MPPED2: variants seen among roughly 807,000 people sequenced by gnomAD.
The protein encoded by MPPED2 is metallophosphoesterase MPPED2.
A neutral mutation model predicts 33.0 loss-of-function variants in MPPED2; 5 were observed. The observed-to-expected ratio is 0.15, with a 90% CI of 0.08 to 0.32. The LOEUF is 0.32. Ranked by LOEUF, MPPED2 falls within the 10% of genes least tolerant of loss-of-function variation. MPPED2 has a pLI of 1.00. For missense variants in MPPED2, 275 were observed against 372.1 expected (o/e 0.74, Z 2.15); for synonymous variants, 136 against 141.9 (o/e 0.96, Z 0.29).
intron 2 of MPPED2, among the ~76,000 whole-genome samples, chr11:30,546,113 C>T (rs1034545636): frequency 6.6e-6 from 1 of 152,296 alleles, no homozygotes. Context: ...AGTCACCGTG[C>T]CCGGCCACAA....
intron 4 of MPPED2, among the ~76,000 whole-genome samples, chr11:30,447,416 G>C (rs1160834720): frequency 6.6e-6 from 1 of 152,234 alleles, no homozygotes; most frequent in African/African-American, 2.4e-5. Flanking sequence ...ATGAGGAGGA[G>C]CATGTTAATA....
At position 30,536,132 on chromosome 11, in the gene MPPED2, T is replaced by C; in HGVS notation, c.172A>G (p.Thr58Ala). The change falls in exon 3 of 7, where the codon ACG becomes GCG. Residue 58 changes from threonine to alanine, a missense_variant. Physicochemically the swap from Thr to Ala is moderately conservative, Grantham distance 58. Coordinates refer to ENST00000358117, the MANE Select transcript of MPPED2 (RefSeq NM_001584.3). ...PYDTPKPAGHTRFVCISDTHS... is the reference protein window; with the variant it reads ...PYDTPKPAGHARFVCISDTHS... ...GTGTCTGAGATGCAGACAAACCGCG[T>C]GTGGCCCGCTGGTTTTGGAGTGTCA... is the stretch of plus-strand genomic sequence containing the variant. The C allele has an allele frequency of 1.2e-6, 2 of 1,612,258 alleles. No homozygotes were observed. Among genetic ancestry groups the C allele is most frequent in the East Asian group, 2.2e-5 (1 of 44,836 alleles).
chr11:30,546,234 C>T (rs944449054), intron 2 of MPPED2, among the ~76,000 whole-genome samples: 1 of 152,140 alleles, frequency 6.6e-6, no homozygotes, highest in African/African-American at 2.4e-5. Context: ...ATCATTACAA[C>T]ATCATGAACA....
intron 1 of MPPED2, among the ~76,000 whole-genome samples, chr11:30,585,797 G>A (rs1185814437): frequency 6.6e-6 from 1 of 152,172 alleles, no homozygotes; most frequent in African/African-American, 2.4e-5. Context: ...CTCAGGGGTT[G>A]AAAATCAGCC....
intron 4 of MPPED2, among the ~76,000 whole-genome samples, chr11:30,454,482 A>G (rs1950195652): frequency 6.6e-6 from 1 of 152,164 alleles, no homozygotes; most frequent in Non-Finnish European, 1.5e-5. Context: ...AGGAAAAAAA[A>G]TTATAAATTT....
exon 7 of MPPED2, chr11:30,386,187 G>C (rs901660191): frequency 1.3e-5 from 2 of 152,400 alleles, no homozygotes; most frequent in Non-Finnish European, 2.9e-5. Flanking sequence ...ATATGAGCAG[G>C]CTGTGGAGCA....
chr11:30,525,413 TTTTG>T lies in MPPED2; in HGVS notation c.310+10577_310+10580del, dbSNP rs199868285. 7.7e-3 allele frequency among the ~76,000 whole-genome samples: 1,175 copies of T among 152,320 alleles called. 16 individuals carry two copies. The highest frequency in any genetic ancestry group is 0.027 in the African/African-American group (1,131 of 41,568). ...TTGTTTTCAAAGAGCCGCTTTTTTA[TTTTG>T]TTTAACAGTGATACAATTTTCATAC... is the stretch of plus-strand genomic sequence containing the variant. On this transcript the variant is annotated intron_variant, in intron 3 of 6. Transcript: ENST00000358117.
chr11:30,458,527 T>C (rs78304923), intron 4 of MPPED2, among the ~76,000 whole-genome samples: 4,116 of 152,306 alleles, frequency 0.027, 94 homozygotes, highest in Admixed American at 0.064. Flanking sequence ...CTGAATTAAC[T>C]GGATTTTAAT....
At position 30,399,468 on chromosome 11, in the gene MPPED2, C is replaced by CAAT. The variant is rs533947614; in HGVS notation, c.767-10515_767-10513dup. Among the ~76,000 whole-genome samples, 21 of 152,260 alleles carry CAAT rather than the reference C, an allele frequency of 1.4e-4. No individual in the cohort carries two copies. The South Asian group carries it at 4.4e-3, about 32-fold the overall frequency. ...CTAATCCTTTAAATTGGTATTTTATCAATACTCTGTCCTCTGGAATGTTGG... is the reference window on the plus strand; with the variant it reads ...CTAATCCTTTAAATTGGTATTTTATCAATAATACTCTGTCCTCTGGAATGTTGG... On this transcript the variant is annotated intron_variant, in intron 6 of 6. Transcript: ENST00000448418.
intron 2 of MPPED2, among the ~76,000 whole-genome samples, chr11:30,550,290 C>T (rs1186384702): frequency 6.6e-6 from 1 of 152,120 alleles, no homozygotes; most frequent in Non-Finnish European, 1.5e-5. Context: ...TCTTTCCCAC[C>T]CCTGCTGTAG....
chr11:30,393,595 TTGTTA>T (rs142407062), intron 6 of MPPED2, among the ~76,000 whole-genome samples: 15,575 of 152,134 alleles, frequency 0.1, 809 homozygotes, highest in Middle Eastern at 0.17. Flanking sequence ...CCAGGAGTTT[TTGTTA>T]TGTTTAGAAC....
intron 4 of MPPED2, among the ~76,000 whole-genome samples, chr11:30,446,292 T>C (rs947650362): frequency 6.6e-6 from 1 of 152,208 alleles, no homozygotes; most frequent in African/African-American, 2.4e-5. Flanking sequence ...ATCATTCAGC[T>C]CAGCCTGCCT....
chr11:30,527,792 T>C (rs1954280603), intron 3 of MPPED2, among the ~76,000 whole-genome samples: 1 of 152,014 alleles, frequency 6.6e-6, no homozygotes, highest in Admixed American at 6.6e-5. Flanking sequence ...CTCCAAGTTC[T>C]CCCCTCCCCC....
At chr11:30,540,639 CT>C (rs1205846201) in intron 2 of MPPED2, among the ~76,000 whole-genome samples, 1 of 152,098 alleles carries the variant, frequency 6.6e-6, no homozygotes, top group Non-Finnish European at 1.5e-5. Context: ...CTACCACTCA[CT>C]CAGGGACTTT....
At chr11:30,407,651 C>G (rs554787446), downstream of MPPED2, among the ~76,000 whole-genome samples, 3 of 152,314 alleles carry the variant, frequency 2.0e-5, no homozygotes, top group East Asian at 5.8e-4. Flanking sequence ...GCAGGCGGGT[C>G]ACCTGAGCTC....
At chr11:30,430,840 C>T (rs1425463466) in intron 4 of MPPED2, among the ~76,000 whole-genome samples, 1 of 152,198 alleles carries the variant, frequency 6.6e-6, no homozygotes, top group East Asian at 1.9e-4. Context: ...AAAACCAGCC[C>T]ACAGCATACA....
At chr11:30,554,221 T>C (rs556794419) in intron 2 of MPPED2, among the ~76,000 whole-genome samples, 9 of 152,260 alleles carry the variant, frequency 5.9e-5, no homozygotes, top group African/African-American at 1.7e-4. Context: ...CCCACCCTGA[T>C]TGTAGGTGGC....
At chr11:30,404,695 C>T (rs1947961990) in intron 6 of MPPED2, among the ~76,000 whole-genome samples, 1 of 152,206 alleles carries the variant, frequency 6.6e-6, no homozygotes, top group Admixed American at 6.5e-5. Context: ...TCTTTTATTA[C>T]CATTTACCTT....
chr11:30,580,510 A>T lies in MPPED2; in HGVS notation c.-121-16T>A, dbSNP rs1341756020. ...CTGTGCATTTCTGAAAGAAAAAAAA[A>T]ATGTATATAAAATGAGAACAAAGAG... On this transcript the variant is annotated splice_polypyrimidine_tract_variant and intron_variant, in intron 1 of 6. Coordinates refer to ENST00000358117, the MANE Select transcript of MPPED2 (RefSeq NM_001584.3). 7.7e-6 allele frequency: 11 copies of T among 1,419,980 alleles called. No homozygotes were observed. In the African/African-American group the frequency reaches 1.3e-4, roughly 17 times the overall value. 88.0% of individuals were successfully genotyped at this position (1,419,980 alleles called of 1,614,324 possible).
Sources: gnomAD v4.1 joint callset for allele counts (sites outside exome capture counted in the v4.1 genomes callset) on GRCh38, gnomAD v4.1.1 for gene constraint, MANE v1.5 for transcripts, NCBI Gene and HGNC (gene_info 2026-07-23, HGNC 2026-07-21) for gene names.